PTPRO: variants seen among roughly 807,000 people sequenced by gnomAD.
PTPRO encodes protein tyrosine phosphatase receptor type O.
A neutral mutation model predicts 145.2 loss-of-function variants in PTPRO; 62 were observed. The observed-to-expected ratio is 0.43, with a 90% CI of 0.35 to 0.53. The LOEUF (loss-of-function observed/expected upper bound fraction) is 0.53, where lower values mean the gene tolerates loss of function less well. Among genes scored for constraint, PTPRO ranks in the 20% least tolerant of loss-of-function variants. The probability of loss-of-function intolerance (pLI) is 0.01; values close to 1 mark genes in which losing one functional copy is unlikely to be tolerated. For synonymous variants in PTPRO, 565 were observed against 514.7 expected (o/e 1.10, Z -1.32); for missense variants, 1,345 against 1,482.7 (o/e 0.91, Z 1.53).
At chr12:15,580,670 G>A in intron 21 of PTPRO, 27 bp from the exon 22 acceptor site, 1 of 1,613,860 alleles carries the variant, frequency 6.2e-7, no homozygotes. Context: ...GTCTGGTTAG[G>A]TGATAATTTT....
chr12:15,387,849 A>G (rs1056508158), intron 1 of PTPRO, among the ~76,000 whole-genome samples: 4 of 152,190 alleles, frequency 2.6e-5, no homozygotes, highest in African/African-American at 9.7e-5. Flanking sequence ...TATCTTCCCA[A>G]TGACACCAGC....
At chr12:15,353,673 C>T (rs527874640) in intron 1 of PTPRO, among the ~76,000 whole-genome samples, 3 of 152,274 alleles carry the variant, frequency 2.0e-5, no homozygotes, top group Admixed American at 1.3e-4. Flanking sequence ...ACTCTCAAAA[C>T]ACTCATAATA....
intron 15 of PTPRO, among the ~76,000 whole-genome samples, chr12:15,552,764 A>G (rs1943499417): frequency 6.8e-6 from 1 of 146,122 alleles, no homozygotes; most frequent in Non-Finnish European, 1.5e-5. Context: ...TACAGTGGAG[A>G]GCTCTGAAAT....
chr12:15,484,820 A>G (rs1216415248), intron 2 of PTPRO, among the ~76,000 whole-genome samples: 1 of 152,178 alleles, frequency 6.6e-6, no homozygotes, highest in Admixed American at 6.5e-5. Context: ...CATGTCATAA[A>G]GAGTTAAGGC....
chr12:15,560,346 G>A (rs1426617612), intron 17 of PTPRO, 70 bp downstream of exon 17: 2 of 1,223,442 alleles, frequency 1.6e-6, no homozygotes, highest in African/African-American at 3.0e-5. Context: ...AAACAAAAAG[G>A]AAAGTTTCTT....
chr12:15,405,043 C>T (rs79775366), intron 1 of PTPRO, among the ~76,000 whole-genome samples: 8,263 of 152,262 alleles, frequency 0.054, 247 homozygotes, highest in Non-Finnish European at 0.068. Context: ...TAATCCCATG[C>T]ATGAGGGTTT....
chr12:15,499,196 A>G (rs537607960), intron 3 of PTPRO, among the ~76,000 whole-genome samples: 1 of 152,286 alleles, frequency 6.6e-6, no homozygotes, highest in East Asian at 1.9e-4. Context: ...AGTTCCTATC[A>G]CAAAAAGGTT....
intron 1 of PTPRO, among the ~76,000 whole-genome samples, chr12:15,416,975 A>G (rs1270210162): frequency 2.0e-5 from 3 of 151,652 alleles, no homozygotes; most frequent in Admixed American, 6.5e-5. Flanking sequence ...ATACACAATC[A>G]TATTGATTAG....
intron 19 of PTPRO, among the ~76,000 whole-genome samples, chr12:15,577,070 A>G (rs1944202344): frequency 6.6e-6 from 1 of 152,254 alleles, no homozygotes; most frequent in Non-Finnish European, 1.5e-5. Context: ...TGGAACACTC[A>G]GTTATAAAAT....
chr12:15,408,005 C>T (rs1003863722), intron 1 of PTPRO, among the ~76,000 whole-genome samples: 1 of 152,152 alleles, frequency 6.6e-6, no homozygotes, highest in Admixed American at 6.5e-5. Flanking sequence ...GACTCTAGCC[C>T]AAGATTATTG....
intron 1 of PTPRO, among the ~76,000 whole-genome samples, chr12:15,427,559 T>C (rs1390970705): frequency 2.6e-5 from 4 of 151,750 alleles, no homozygotes; most frequent in Admixed American, 2.0e-4. Flanking sequence ...ATCTCTTCTT[T>C]TGCAAAGTTT....
chr12:15,464,308 C>T (rs1941367256), intron 1 of PTPRO, among the ~76,000 whole-genome samples: 1 of 152,104 alleles, frequency 6.6e-6, no homozygotes, highest in East Asian at 1.9e-4. Flanking sequence ...CACACAGCCA[C>T]TGGTGAAAAT....
intron 25 of PTPRO, among the ~76,000 whole-genome samples, chr12:15,591,194 C>G (rs926646180): frequency 6.6e-6 from 1 of 151,874 alleles, no homozygotes; most frequent in Non-Finnish European, 1.5e-5. Context: ...CATGGTGAAA[C>G]CCCGTTTCTA....
intron 3 of PTPRO, among the ~76,000 whole-genome samples, chr12:15,497,641 G>A (rs1250333116): frequency 6.6e-6 from 1 of 152,194 alleles, no homozygotes. Flanking sequence ...TCTCATTATT[G>A]TCACTTACAT....
intron 7 of PTPRO, among the ~76,000 whole-genome samples, chr12:15,515,193 A>G (rs1942551130): frequency 6.6e-6 from 1 of 152,130 alleles, no homozygotes; most frequent in Admixed American, 6.5e-5. Context: ...TCCTCATGGT[A>G]TTGCTGATTT....
chr12:15,486,384 G>T (rs1329267621), intron 2 of PTPRO, among the ~76,000 whole-genome samples: 1 of 151,998 alleles, frequency 6.6e-6, no homozygotes, highest in Non-Finnish European at 1.5e-5. Flanking sequence ...TGTTTGTGTG[G>T]CATACCTAAT....
At chr12:15,340,471 C>T (rs371576990) in intron 1 of PTPRO, among the ~76,000 whole-genome samples, 85 of 152,240 alleles carry the variant, frequency 5.6e-4, no homozygotes, top group Non-Finnish European at 1.1e-3. Flanking sequence ...ATCATTCTTG[C>T]GGTTTCTTTT....
At chr12:15,523,041 T>A (rs1178463272) in intron 10 of PTPRO, among the ~76,000 whole-genome samples, 1 of 152,198 alleles carries the variant, frequency 6.6e-6, no homozygotes, top group African/African-American at 2.4e-5. Flanking sequence ...AAATATGATG[T>A]AGATTTGTGT....
chr12:15,410,106 A>G (rs1179908600), intron 1 of PTPRO, among the ~76,000 whole-genome samples: 2 of 152,280 alleles, frequency 1.3e-5, no homozygotes, highest in African/African-American at 4.8e-5. Flanking sequence ...ACAGACAAAC[A>G]GAAAGCAGGA....
Sources: gnomAD v4.1 joint callset for allele counts (sites outside exome capture counted in the v4.1 genomes callset) on GRCh38, gnomAD v4.1.1 for gene constraint, MANE v1.5 for transcripts, NCBI Gene and HGNC (gene_info 2026-07-23, HGNC 2026-07-21) for gene names.